The following PKHD1 variants were observed in gnomAD, a reference collection of about 807,000 sequenced individuals.
PKHD1 encodes fibrocystin.
Under a neutral mutation model 412.0 loss-of-function variants are expected in PKHD1, and 291 were observed. That is an observed-to-expected ratio of 0.71 (90% CI 0.64 to 0.78). PKHD1 has a LOEUF of 0.78. PKHD1 is among the 30% of genes least tolerant of loss of function. The probability of loss-of-function intolerance (pLI) is 0.00; values close to 1 mark genes in which losing one functional copy is unlikely to be tolerated. For missense variants in PKHD1, 4,825 were observed against 4,950.7 expected (o/e 0.97, Z 0.76); for synonymous variants, 1,777 against 1,821.5 (o/e 0.98, Z 0.62).
intron 60 of PKHD1, among the ~76,000 whole-genome samples, chr6:51,738,634 CTAAA>C (rs1254905775): frequency 6.6e-6 from 1 of 152,172 alleles, no homozygotes; most frequent in Non-Finnish European, 1.5e-5. Flanking sequence ...GAAATGTACA[CTAAA>C]TAAATAAATT....
Position 52,024,825 on chromosome 6 carries a change from G to C in PKHD1, c.4985C>G (p.Ser1662Cys), listed in dbSNP as rs1801897262. ...TAAGATGTCATCGCTCTGAGAAATAGAGATCAATTCTGGGGTAAAGGCCTT... is the reference window on the plus strand; with the variant it reads ...TAAGATGTCATCGCTCTGAGAAATACAGATCAATTCTGGGGTAAAGGCCTT... The part of the protein sequence containing the change: ...YNKAFTPELI[S>C]ISQSDDILTF... Residue 1662 changes from serine to cysteine, a missense_variant, in exon 32 of 67, where the codon TCT (serine) becomes TGT (cysteine). Ser to Cys is a moderately radical substitution (Grantham distance 112). Coordinates refer to ENST00000371117, the MANE Select transcript of PKHD1 (RefSeq NM_138694.4). 6.2e-7 allele frequency: 1 copy of C among 1,614,082 alleles called. No individual in the cohort carries two copies. The highest frequency in any genetic ancestry group is 1.3e-5 in the African/African-American group (1 of 74,924).
At chr6:51,906,409 AC>A in intron 40 of PKHD1, 69 bp from the exon 41 acceptor site, 1 of 1,188,494 alleles carries the variant, frequency 8.4e-7, no homozygotes, top group South Asian at 1.2e-5. Context: ...ATTTAGAGCA[AC>A]CTACACTGTA....
At chr6:51,799,746 CTT>C (rs1399923029) in intron 52 of PKHD1, among the ~76,000 whole-genome samples, 1 of 152,196 alleles carries the variant, frequency 6.6e-6, no homozygotes, top group Non-Finnish European at 1.5e-5. Flanking sequence ...GGATTTCTCT[CTT>C]TTGAGGAGTG....
At chr6:51,744,669 T>G in intron 59 of PKHD1, 127 bp from the exon 60 acceptor site, 1 of 720,122 alleles carries the variant, frequency 1.4e-6, no homozygotes, top group Non-Finnish European at 2.4e-6. Context: ...ATGTGTTACA[T>G]AGATATAAAA....
chr6:51,892,387 T>A (rs571392284), intron 43 of PKHD1, among the ~76,000 whole-genome samples: 2 of 152,352 alleles, frequency 1.3e-5, no homozygotes, highest in Admixed American at 1.3e-4. Flanking sequence ...CTTTGTTCCC[T>A]ACGGAACATT....
rs755183117 is a variant in PKHD1, at chr6:52,035,701, G to C, written c.3118C>G (p.Arg1040Gly). 1.1e-5 allele frequency: 18 copies of C among 1,613,718 alleles called. No individual in the cohort carries two copies. Among genetic ancestry groups the C allele is most frequent in the African/African-American group, 1.3e-5 (1 of 74,862 alleles). ...CTAACACCTTCCAAACTAGAGCCTCGGATGGTGGCCCAGAGCCCTCCTGTA... is the reference window on the plus strand; with the variant it reads ...CTAACACCTTCCAAACTAGAGCCTCCGATGGTGGCCCAGAGCCCTCCTGTA... Reference protein sequence around the residue: ...ADIGGLWATIRGSSLEGVSLI... With the variant: ...ADIGGLWATIGGSSLEGVSLI... The change falls in exon 28 of 67, where the codon CGA becomes GGA. Residue 1040 changes from arginine to glycine, a missense_variant. Arg to Gly is a moderately radical substitution (Grantham distance 125). Coordinates refer to ENST00000371117, the MANE Select transcript of PKHD1 (RefSeq NM_138694.4).
chr6:51,652,997 T>TG lies in PKHD1; in HGVS notation c.11175-3778_11175-3777insC, dbSNP rs1389970095. On this transcript the variant is annotated intron_variant, in intron 61 of 66. Transcript: ENST00000371117. ...ACTCTGAAAGAAAAAAGTAAATTCT[T>TG]TAGTCAATTCTAAAGAATTCTAAAT... 2.0e-5 allele frequency among the ~76,000 whole-genome samples: 3 copies of TG among 152,234 alleles called. No homozygotes were observed. In the East Asian group the frequency reaches 5.8e-4, roughly 29 times the overall value.
At chr6:51,690,448 A>G (rs537354981) in intron 60 of PKHD1, among the ~76,000 whole-genome samples, 3 of 152,292 alleles carry the variant, frequency 2.0e-5, no homozygotes, top group East Asian at 1.9e-4. Context: ...AAAACAGCAT[A>G]GTACTGGTAC....
intron 50 of PKHD1, among the ~76,000 whole-genome samples, chr6:51,843,297 G>C (rs1268008248): frequency 6.6e-6 from 1 of 152,222 alleles, no homozygotes; most frequent in Non-Finnish European, 1.5e-5. Context: ...GATGTAGCCA[G>C]TAGCCATGGC....
chr6:51,638,423 G>A (rs1768870559), intron 64 of PKHD1, among the ~76,000 whole-genome samples: 1 of 152,034 alleles, frequency 6.6e-6, no homozygotes, highest in Non-Finnish European at 1.5e-5. Flanking sequence ...CCCTTATTCT[G>A]AAGTGCCAGG....
At chr6:51,742,421 T>A (rs192539644) in intron 60 of PKHD1, among the ~76,000 whole-genome samples, 1 of 152,308 alleles carries the variant, frequency 6.6e-6, no homozygotes, top group East Asian at 1.9e-4. Context: ...AAGAATCATA[T>A]GTAGAAACAG....
chr6:51,759,913 G>C (rs1787696877), intron 55 of PKHD1, among the ~76,000 whole-genome samples: 1 of 152,052 alleles, frequency 6.6e-6, no homozygotes, highest in Non-Finnish European at 1.5e-5. Context: ...TTTCATTGCA[G>C]AATATATTTC....
At chr6:51,986,968 G>A (rs1024564462) in intron 35 of PKHD1, among the ~76,000 whole-genome samples, 9 of 152,208 alleles carry the variant, frequency 5.9e-5, no homozygotes, top group Non-Finnish European at 8.8e-5. Context: ...TATAATAGCC[G>A]ATACTAGGTA....
chr6:52,049,715 T>A (rs1581952440), intron 22 of PKHD1, among the ~76,000 whole-genome samples: 1 of 152,308 alleles, frequency 6.6e-6, no homozygotes, highest in East Asian at 1.9e-4. Flanking sequence ...AATAGCTATT[T>A]TTCTTCTCTA....
intron 35 of PKHD1, among the ~76,000 whole-genome samples, chr6:51,979,836 C>CGTGT (rs1177497677): frequency 6.6e-6 from 1 of 152,170 alleles, no homozygotes; most frequent in Non-Finnish European, 1.5e-5. Flanking sequence ...CTTGTATGCA[C>CGTGT]GTGTTTTTTC....
intron 50 of PKHD1, among the ~76,000 whole-genome samples, chr6:51,843,138 T>C (rs1474240378): frequency 6.6e-6 from 1 of 152,206 alleles, no homozygotes; most frequent in Non-Finnish European, 1.5e-5. Flanking sequence ...TTAGAGAGGC[T>C]CCATACAGCC....
chr6:51,837,252 G>C (rs1769389973), intron 50 of PKHD1, among the ~76,000 whole-genome samples: 2 of 152,120 alleles, frequency 1.3e-5, no homozygotes, highest in African/African-American at 4.8e-5. Context: ...CTTATTGTTT[G>C]TCACATGAGC....
chr6:51,646,804 T>G (rs925705026), intron 63 of PKHD1, among the ~76,000 whole-genome samples: 6 of 152,224 alleles, frequency 3.9e-5, no homozygotes, highest in Non-Finnish European at 8.8e-5. Flanking sequence ...AGTTGTGATC[T>G]CCACCATCCC....
At chr6:52,058,984 A>G (rs1808246474) in intron 15 of PKHD1, among the ~76,000 whole-genome samples, 1 of 152,170 alleles carries the variant, frequency 6.6e-6, no homozygotes, top group Admixed American at 6.5e-5. Context: ...TAAACTAGCA[A>G]ATCAATTTCA....
Sources: gnomAD v4.1 joint callset for allele counts (sites outside exome capture counted in the v4.1 genomes callset) on GRCh38, gnomAD v4.1.1 for gene constraint, MANE v1.5 for transcripts, NCBI Gene and HGNC (gene_info 2026-07-23, HGNC 2026-07-21) for gene names.